Variants in TTC6 observed in about 807,000 individuals in gnomAD.
TTC6 encodes tetratricopeptide repeat domain 6.
In TTC6, 172 loss-of-function variants were observed where a neutral mutation model predicts 210.4. The ratio of observed to expected loss-of-function variants is 0.82; its 90% CI spans 0.72 to 0.93. The LOEUF (loss-of-function observed/expected upper bound fraction) is 0.93, where lower values mean the gene tolerates loss of function less well. Ranked by LOEUF, TTC6 falls within the 40% of genes least tolerant of loss-of-function variation. The pLI, the probability that TTC6 is intolerant of heterozygous loss-of-function variation, is 0.00. For synonymous variants in TTC6, 804 were observed against 819.6 expected (o/e 0.98, Z 0.32); for missense variants, 2,414 against 2,318.1 (o/e 1.04, Z -0.85).
chr14:37,715,276 A>T (rs1425724226), intron 6 of TTC6, among the ~76,000 whole-genome samples: 2 of 152,142 alleles, frequency 1.3e-5, no homozygotes, highest in Non-Finnish European at 2.9e-5. Flanking sequence ...ATAACAAAAG[A>T]TCTAGTATTT....
At chr14:37,737,474 A>T (rs1361405019) in intron 8 of TTC6, among the ~76,000 whole-genome samples, 186 bp from the exon 11 acceptor site, 2 of 152,148 alleles carry the variant, frequency 1.3e-5, no homozygotes, top group African/African-American at 4.8e-5. Flanking sequence ...TTCTACATTA[A>T]TTCATAGATT....
chr14:37,736,683 A>G (rs1347209098), intron 8 of TTC6, among the ~76,000 whole-genome samples: 1 of 152,206 alleles, frequency 6.6e-6, no homozygotes, highest in African/African-American at 2.4e-5. Flanking sequence ...AACTAACTAC[A>G]GTGTATCCAA....
chr14:37,682,972 A>G lies in TTC6; in HGVS notation c.1257+8A>G. The G allele has an allele frequency of 6.5e-7, 1 of 1,534,004 alleles. No homozygotes were observed. Among genetic ancestry groups the G allele is most frequent in the Non-Finnish European group, 8.7e-7 (1 of 1,145,330 alleles). On this transcript the variant is annotated splice_region_variant and intron_variant, in intron 3 of 30. Coordinates refer to ENST00000553443, the Ensembl canonical transcript of TTC6. ...AAGTGGGTGTCTTTAACGGTAAGAA[A>G]CTATTTATGTTGGAAACACCTAAGA...
intron 1 of TTC6, among the ~76,000 whole-genome samples, chr14:37,665,995 G>T (rs1338401842): frequency 6.6e-6 from 1 of 150,620 alleles, no homozygotes; most frequent in Non-Finnish European, 1.5e-5. Flanking sequence ...GGAGCTAAAT[G>T]AATATAGGAT....
In TTC6 at chr14:37,795,977, C is replaced by T. The variant is rs184229176; in HGVS notation, c.3792-317C>T. Among the ~76,000 whole-genome samples the T allele has an allele frequency of 1.2e-3, 184 of 152,234 alleles. 1 individual carries two copies. The highest frequency in any genetic ancestry group is 2.3e-3 in the Non-Finnish European group (158 of 67,968). ...TTTTAGCAATTTATGTAGATACCTC[C>T]TTCCTTTTATATGCCTTGAACTTTA... On this transcript the variant is annotated intron_variant, in intron 18 of 30. Coordinates refer to ENST00000553443, the Ensembl canonical transcript of TTC6.
At chr14:37,681,710 C>T (rs1228385944) in intron 2 of TTC6, among the ~76,000 whole-genome samples, 4 of 152,078 alleles carry the variant, frequency 2.6e-5, no homozygotes, top group Non-Finnish European at 5.9e-5. Context: ...TTGCTGGGGG[C>T]TTTTGGGCCT....
At chr14:37,633,640 G>A (rs1160791054) in intron 1 of TTC6, among the ~76,000 whole-genome samples, 3 of 152,318 alleles carry the variant, frequency 2.0e-5, no homozygotes, top group Middle Eastern at 6.8e-3. Flanking sequence ...GTATCAACGG[G>A]CTGTTACAAG....
intron 14 of TTC6, among the ~76,000 whole-genome samples, chr14:37,774,189 T>TA (rs1399247700): frequency 4.6e-5 from 7 of 152,172 alleles, no homozygotes; most frequent in Non-Finnish European, 8.8e-5. Context: ...TCTAGGTATA[T>TA]AATCATATCA....
intron 1 of TTC6, among the ~76,000 whole-genome samples, chr14:37,667,310 C>G (rs1300717724): frequency 6.7e-6 from 1 of 150,274 alleles, no homozygotes; most frequent in Non-Finnish European, 1.5e-5. Flanking sequence ...TTCTCATTTT[C>G]TGGTTCCCCA....
chr14:37,616,136 G>A (rs1406411694), intron 2 of TTC6, among the ~76,000 whole-genome samples: 4 of 152,184 alleles, frequency 2.6e-5, no homozygotes, highest in Non-Finnish European at 5.9e-5. Flanking sequence ...GCTACTTTGA[G>A]TTTGTCCTGC....
intron 25 of TTC6, among the ~76,000 whole-genome samples, chr14:37,813,295 T>A (rs1387941494): frequency 6.6e-6 from 1 of 152,152 alleles, no homozygotes; most frequent in Non-Finnish European, 1.5e-5. Flanking sequence ...TTAAGCTTTT[T>A]GATATATTAA....
chr14:37,714,608 T>TC (rs2095849508), intron 5 of TTC6, 47 bp from the exon 8 acceptor site: 1 of 1,488,908 alleles, frequency 6.7e-7, no homozygotes. Flanking sequence ...ACCTTATACT[T>TC]TGTCAATTAC....
chr14:37,792,271 A>T, exon 17 of TTC6: 1 of 1,507,760 alleles, frequency 6.6e-7, no homozygotes, highest in Non-Finnish European at 8.8e-7. Flanking sequence ...TAGAACTATT[A>T]CTTTGGCTTA....
chr14:37,651,889 T>C (rs958714610), intron 1 of TTC6, among the ~76,000 whole-genome samples: 4 of 152,066 alleles, frequency 2.6e-5, no homozygotes, highest in Non-Finnish European at 5.9e-5. Flanking sequence ...AGGCAGGCAG[T>C]GGTCAACATG....
intron 14 of TTC6, among the ~76,000 whole-genome samples, chr14:37,780,704 T>G (rs1030323808): frequency 2.6e-5 from 4 of 152,200 alleles, no homozygotes; most frequent in African/African-American, 4.8e-5. Flanking sequence ...TAGGTATACA[T>G]GTGCCATGGT....
chr14:37,757,325 A>G (rs1396467617), intron 14 of TTC6, among the ~76,000 whole-genome samples: 1 of 151,860 alleles, frequency 6.6e-6, no homozygotes. Context: ...CAGTGGCTCG[A>G]TCTTGGTTCA....
chr14:37,622,799 AGGAGCCCAG>A (rs1484928291), exon 1 of TTC6: 4 of 1,534,308 alleles, frequency 2.6e-6, no homozygotes, highest in Non-Finnish European at 3.5e-6. Flanking sequence ...CGGCGGGGTT[AGGAGCCCAG>A]GGAGAACAGG....
At chr14:37,706,439 A>AC (rs1174402572) in intron 5 of TTC6, among the ~76,000 whole-genome samples, 3 of 152,104 alleles carry the variant, frequency 2.0e-5, no homozygotes, top group Non-Finnish European at 2.9e-5. Flanking sequence ...CTTATCCAGG[A>AC]CCATGGCTTT....
chr14:37,813,131 C>T (rs2096133459), intron 25 of TTC6, among the ~76,000 whole-genome samples: 1 of 152,020 alleles, frequency 6.6e-6, no homozygotes, highest in African/African-American at 2.4e-5. Flanking sequence ...TGCAACGTAA[C>T]ATTATGGAGT....
Sources: gnomAD v4.1 joint callset for allele counts (sites outside exome capture counted in the v4.1 genomes callset) on GRCh38, gnomAD v4.1.1 for gene constraint, MANE v1.5 for transcripts, NCBI Gene and HGNC (gene_info 2026-07-23, HGNC 2026-07-21) for gene names.